Variants in SIPA1L3 observed in about 807,000 individuals in gnomAD.
The protein encoded by SIPA1L3 is signal induced proliferation associated 1 like 3, also known as signal-induced proliferation-associated 1-like protein 3.
In SIPA1L3, 59 loss-of-function variants were observed where a neutral mutation model predicts 150.1. That is an observed-to-expected ratio of 0.39 (90% CI 0.32 to 0.49). SIPA1L3 has a LOEUF of 0.49. Among genes scored for constraint, SIPA1L3 ranks in the 20% least tolerant of loss-of-function variants. The pLI, the probability that SIPA1L3 is intolerant of heterozygous loss-of-function variation, is 0.86. For synonymous variants in SIPA1L3, 1,070 were observed against 1,077.6 expected, an observed-to-expected ratio of 0.99 and a Z score of 0.14; for missense variants, 2,211 against 2,489.5, an observed-to-expected ratio of 0.89 and a Z score of 2.38.
At chr19:38,084,867 T>G (rs1427708066) in intron 3 of SIPA1L3, among the ~76,000 whole-genome samples, 3 of 152,074 alleles carry the variant, frequency 2.0e-5, no homozygotes, top group Non-Finnish European at 4.4e-5. Context: ...CTCGAACTCC[T>G]GACCTCAGGT....
At chr19:37,915,019 C>G (rs1361450467) in intron 1 of SIPA1L3, among the ~76,000 whole-genome samples, 2 of 152,168 alleles carry the variant, frequency 1.3e-5, no homozygotes, top group African/African-American at 2.4e-5. Context: ...CCCTCCTTAC[C>G]AGGCAGAGGC....
chr19:38,090,420 G>A (rs769725942), intron 4 of SIPA1L3, among the ~76,000 whole-genome samples: 6 of 151,940 alleles, frequency 3.9e-5, no homozygotes, highest in African/African-American at 1.4e-4. Flanking sequence ...TGAGCCAGTC[G>A]CTGTGATCAG....
intron 4 of SIPA1L3, among the ~76,000 whole-genome samples, chr19:38,091,743 G>A (rs855641): frequency 0.15 from 23,369 of 152,120 alleles, 1,896 homozygotes; most frequent in African/African-American, 0.19. Flanking sequence ...CAGTGCTAGC[G>A]TTTGTGTTTT....
At chr19:38,204,331 G>C in intron 21 of SIPA1L3, 123 bp downstream of exon 21, 1 of 706,424 alleles carries the variant, frequency 1.4e-6, no homozygotes, top group South Asian at 1.7e-5. Flanking sequence ...TCCTGTGTTT[G>C]AGTGTAGTCA....
Position 38,081,879 on chromosome 19 carries a change from C to T in SIPA1L3, c.314C>T (p.Thr105Ile), listed in dbSNP as rs1406410631. The change falls in exon 3 of 22, where the codon ACA becomes ATA. Residue 105 changes from threonine to isoleucine, a missense_variant. Thr to Ile is a moderately conservative substitution (Grantham distance 89). Transcript: ENST00000222345. ...AGCAACCCAAGCCCCTCCCAGGACA[C>T]AGATGGCACAAAGGCCACCAAGATG... ...EHSNPSPSQD[T>I]DGTKATKMAH... The T allele has an allele frequency of 6.2e-7, 1 of 1,614,024 alleles. No homozygotes were observed.
intron 1 of SIPA1L3, among the ~76,000 whole-genome samples, chr19:37,967,376 C>A (rs1020931739): frequency 3.9e-5 from 6 of 151,962 alleles, no homozygotes; most frequent in Non-Finnish European, 4.4e-5. Context: ...GCCTCAGCCT[C>A]CCGAGTAGCT....
chr19:38,204,044 C>A (rs1973149583), intron 20 of SIPA1L3, 83 bp from the exon 21 acceptor site: 9 of 1,091,422 alleles, frequency 8.2e-6, no homozygotes, highest in Middle Eastern at 5.0e-4. Context: ...GGGGCCTGTA[C>A]CCCCAGGCTC....
intron 4 of SIPA1L3, among the ~76,000 whole-genome samples, chr19:38,096,261 T>C (rs1970378946): frequency 6.6e-6 from 1 of 152,098 alleles, no homozygotes. Flanking sequence ...TTTTTGTTGT[T>C]GTTGTTGAGA....
At position 38,207,551 on chromosome 19, in the gene SIPA1L3, T is replaced by C. The variant is rs1412215582; in HGVS notation, c.*1311T>C. The C allele has an allele frequency of 2.0e-5, 3 of 151,644 alleles. No homozygotes were observed. Among genetic ancestry groups the C allele is most frequent in the African/African-American group, 7.3e-5 (3 of 41,278 alleles). The allele number at this position is 151,644 out of a possible 1,614,324, so 9.4% of individuals were successfully genotyped here. On this transcript the variant is annotated 3_prime_UTR_variant, in exon 22 of 22. Coordinates refer to ENST00000222345, the MANE Select transcript of SIPA1L3 (RefSeq NM_015073.3). ...GCTGAGGACCAAGGCGTGTCCCCTG[T>C]GGGCTGGGGGTCAGTGGGAGGACCA... is the stretch of plus-strand genomic sequence containing the variant.
intron 2 of SIPA1L3, among the ~76,000 whole-genome samples, chr19:38,065,062 T>G: frequency 6.6e-6 from 1 of 152,250 alleles, no homozygotes; most frequent in East Asian, 1.9e-4. Flanking sequence ...CGTGTAATCA[T>G]ATGAACATTT....
intron 2 of SIPA1L3, among the ~76,000 whole-genome samples, chr19:38,034,882 G>A (rs563771060): frequency 2.0e-5 from 3 of 152,234 alleles, no homozygotes; most frequent in South Asian, 4.1e-4. Flanking sequence ...GGTTGATTGC[G>A]CACACATTTG....
intron 2 of SIPA1L3, among the ~76,000 whole-genome samples, chr19:38,068,820 C>T (rs1448166315): frequency 6.6e-6 from 1 of 152,122 alleles, no homozygotes; most frequent in Non-Finnish European, 1.5e-5. Flanking sequence ...ATTGTACCAC[C>T]ACACTCCAGC....
At chr19:37,940,698 G>T (rs751388889) in intron 1 of SIPA1L3, among the ~76,000 whole-genome samples, 1 of 151,972 alleles carries the variant, frequency 6.6e-6, no homozygotes, top group South Asian at 2.1e-4. Flanking sequence ...CTCCACCTCA[G>T]CCTCCTTAGT....
At chr19:38,160,794 G>A (rs954739294) in intron 13 of SIPA1L3, among the ~76,000 whole-genome samples, 3 of 152,108 alleles carry the variant, frequency 2.0e-5, no homozygotes, top group African/African-American at 7.2e-5. Context: ...ACAATCCCAC[G>A]CTTGCTCAAA....
chr19:37,979,961 C>T (rs1543864), intron 1 of SIPA1L3, among the ~76,000 whole-genome samples: 1,571 of 152,294 alleles, frequency 0.01, 34 homozygotes, highest in African/African-American at 0.036. Flanking sequence ...CGTGGCAGGC[C>T]GCTGGCTGGG....
chr19:37,964,171 A>G (rs529629168), intron 1 of SIPA1L3: 9 of 152,274 alleles, frequency 5.9e-5, no homozygotes, highest in Admixed American at 4.6e-4. Context: ...TAATCTCAAC[A>G]CTTTGGGAGG....
chr19:38,064,789 A>G (rs1001008978), intron 2 of SIPA1L3, among the ~76,000 whole-genome samples: 1 of 152,258 alleles, frequency 6.6e-6, no homozygotes, highest in Non-Finnish European at 1.5e-5. Context: ...ATTAACCCAC[A>G]TCTTTCCTAA....
intron 1 of SIPA1L3, among the ~76,000 whole-genome samples, chr19:37,930,258 C>G (rs1175568236): frequency 6.6e-6 from 1 of 152,044 alleles, no homozygotes; most frequent in East Asian, 1.9e-4. Context: ...ATGATCCTCC[C>G]ACCTTGGCCT....
chr19:38,055,365 T>C (rs1008902061), intron 2 of SIPA1L3, among the ~76,000 whole-genome samples: 2 of 152,212 alleles, frequency 1.3e-5, no homozygotes, highest in African/African-American at 4.8e-5. Context: ...CTCAGCCTCA[T>C]GCTCCCAAGA....
Sources: allele counts gnomAD v4.1 joint callset (sites outside exome capture counted in the v4.1 genomes callset), GRCh38; gene constraint gnomAD v4.1.1; transcripts MANE v1.5; gene names NCBI Gene and HGNC (gene_info 2026-07-23, HGNC 2026-07-21).